RASSF3: variants seen among roughly 807,000 people sequenced by gnomAD.
The protein encoded by RASSF3 is ras association domain-containing protein 3.
Under a neutral mutation model 19.9 loss-of-function variants are expected in RASSF3, and 19 were observed. That is an observed-to-expected ratio of 0.96 (90% confidence interval 0.67 to 1.40). The LOEUF is 1.40. Among genes scored for constraint, RASSF3 ranks in the 40% most tolerant of loss-of-function variants. RASSF3 has a pLI of 0.00. For missense variants in RASSF3, 306 were observed against 289.8 expected (o/e 1.06, Z -0.41); for synonymous variants, 110 against 104.2 (o/e 1.06, Z -0.34).
intron 1 of RASSF3, among the ~76,000 whole-genome samples, chr12:64,631,726 C>T (rs1226264173): frequency 1.3e-5 from 2 of 152,072 alleles, no homozygotes; most frequent in Non-Finnish European, 2.9e-5. Flanking sequence ...CCTGCTACCA[C>T]ACCCAGTTAA....
chr12:64,617,069 A>G (rs1049447753), intron 1 of RASSF3, among the ~76,000 whole-genome samples: 1 of 152,238 alleles, frequency 6.6e-6, no homozygotes, highest in Non-Finnish European at 1.5e-5. Flanking sequence ...TGAACAAATG[A>G]AAGCCTGCTC....
Position 64,562,284 on chromosome 12 carries a change from G to A in RASSF3, c.294+20579G>A, listed in dbSNP as rs201803889. On this transcript the variant is annotated intron_variant, in intron 2 of 5. Coordinates refer to the RASSF3 transcript ENST00000637125. The stretch of plus-strand genomic sequence containing the variant: ...TCAAGCTCCTGACCTCAAGTTATCC[G>A]CCCGCCTCGGCCTCCCAAAGTGCTG... Among the ~76,000 whole-genome samples, 45 of 152,008 alleles carry A rather than the reference G, an allele frequency of 3.0e-4. No homozygotes were observed. The East Asian group carries it at 5.8e-3, about 20-fold the overall frequency.
At chr12:64,683,657 A>G (rs1873219645) in intron 1 of RASSF3, among the ~76,000 whole-genome samples, 1 of 152,240 alleles carries the variant, frequency 6.6e-6, no homozygotes, top group African/African-American at 2.4e-5. Context: ...CTTTTTGCCA[A>G]TAAATATTGT....
intron 1 of RASSF3, among the ~76,000 whole-genome samples, chr12:64,663,980 C>T (rs746401443): frequency 1.3e-5 from 2 of 151,662 alleles, no homozygotes; most frequent in African/African-American, 2.4e-5. Context: ...TATGGCAGCA[C>T]GCCAATATAT....
At chr12:64,613,841 G>T (rs369193462) in intron 1 of RASSF3, among the ~76,000 whole-genome samples, 1 of 152,000 alleles carries the variant, frequency 6.6e-6, no homozygotes, top group Non-Finnish European at 1.5e-5. Flanking sequence ...CCAGCTACTC[G>T]GGAGACTGAG....
chr12:64,671,858 G>A (rs1872712362), intron 1 of RASSF3, among the ~76,000 whole-genome samples: 1 of 152,156 alleles, frequency 6.6e-6, no homozygotes, highest in South Asian at 2.1e-4. Context: ...ATGAATACTT[G>A]TACACTTGGG....
At chr12:64,593,609 A>T (rs1459751314) in intron 2 of RASSF3, among the ~76,000 whole-genome samples, 1 of 152,216 alleles carries the variant, frequency 6.6e-6, no homozygotes, top group African/African-American at 2.4e-5. Flanking sequence ...TGTTTTAAAC[A>T]AACAGATTAT....
At chr12:64,595,010 C>T (rs1448192727) in intron 2 of RASSF3, among the ~76,000 whole-genome samples, 1 of 149,222 alleles carries the variant, frequency 6.7e-6, no homozygotes, top group African/African-American at 2.4e-5. Flanking sequence ...CACATGCACA[C>T]TACATACACA....
chr12:64,691,007 C>A (rs1215001055), intron 3 of RASSF3, among the ~76,000 whole-genome samples: 1 of 151,878 alleles, frequency 6.6e-6, no homozygotes, highest in African/African-American at 2.4e-5. Flanking sequence ...ATTACAGGTG[C>A]CCGCCACCAC....
chr12:64,676,657 G>T (rs940913120), intron 1 of RASSF3, among the ~76,000 whole-genome samples: 1 of 151,740 alleles, frequency 6.6e-6, no homozygotes, highest in African/African-American at 2.4e-5. Flanking sequence ...TTTCAATAGA[G>T]ATGGGGTTTC....
At chr12:64,596,475 T>C (rs980895931) in intron 2 of RASSF3, among the ~76,000 whole-genome samples, 1 of 152,118 alleles carries the variant, frequency 6.6e-6, no homozygotes, top group African/African-American at 2.4e-5. Context: ...ATGGCACCAG[T>C]GATGTTCAAG....
At chr12:64,544,071 C>T (rs1231546946), downstream of RASSF3, among the ~76,000 whole-genome samples, 3 of 152,172 alleles carry the variant, frequency 2.0e-5, no homozygotes, top group Non-Finnish European at 4.4e-5. Flanking sequence ...CACGCCTTGG[C>T]ACCTCGGTGG....
chr12:64,543,899 A>C (rs1021601134), downstream of RASSF3, among the ~76,000 whole-genome samples: 2 of 151,828 alleles, frequency 1.3e-5, no homozygotes, highest in Non-Finnish European at 2.9e-5. Context: ...GGACATGGAG[A>C]ACTTTTGTGT....
chr12:64,656,569 C>T (rs189385637), intron 1 of RASSF3, among the ~76,000 whole-genome samples: 115 of 152,246 alleles, frequency 7.6e-4, no homozygotes, highest in African/African-American at 2.7e-3. Flanking sequence ...AGATAAAGAA[C>T]ATCAAACACT....
At chr12:64,667,012 G>A (rs1278187697) in intron 1 of RASSF3, among the ~76,000 whole-genome samples, 1 of 152,064 alleles carries the variant, frequency 6.6e-6, no homozygotes, top group Admixed American at 6.5e-5. Context: ...AGTGTTGACC[G>A]GTGCAGGGTG....
rs1871850064 is a variant in RASSF3 at position 64,649,202 on chromosome 12, T to TC, written c.112-35584dup. ...CAGCAGCCATCTGGGTTTTTTTTTT[T>TC]CTTTTTTTGGGATGGAGTCTCGCTC... On this transcript the variant is annotated intron_variant, in intron 1 of 4. Transcript: ENST00000542104. 4.0e-5 allele frequency among the ~76,000 whole-genome samples: 6 copies of TC among 151,240 alleles called. No individual in the cohort carries two copies. The South Asian group carries it at 1.3e-3, about 32-fold the overall frequency.
rs528580305 is a variant in RASSF3 at position 64,619,722 on chromosome 12, C to T, written c.111+8979C>T. On this transcript the variant is annotated intron_variant, in intron 1 of 4. Transcript: ENST00000542104. ...GGTTGCCAGGCGTGGTGGCTCACGC[C>T]TGTAATCCCAGCACATTGGGAGGCC... 8.5e-5 allele frequency among the ~76,000 whole-genome samples: 13 copies of T among 152,158 alleles called. No homozygotes were observed. The East Asian group carries it at 2.1e-3, about 25-fold the overall frequency.
At chr12:64,533,984 C>A (rs1367792716) in intron 1 of RASSF3, among the ~76,000 whole-genome samples, 1 of 152,178 alleles carries the variant, frequency 6.6e-6, no homozygotes, top group Non-Finnish European at 1.5e-5. Flanking sequence ...CAAGGCGGGA[C>A]AATGTGGCTC....
rs190765979 is a variant in RASSF3, at chr12:64,676,134, C to T, written c.112-8653C>T. Among the ~76,000 whole-genome samples the T allele has an allele frequency of 2.5e-3, 375 of 150,958 alleles. 2 individuals carry two copies. The highest frequency in any genetic ancestry group is 8.8e-3 in the African/African-American group (362 of 41,126). ...ACAGCAGCACCAAACACCCCAGAAA[C>T]AACTGTTCTGATTCTTTCCTTCAGG... On this transcript the variant is annotated intron_variant, in intron 1 of 4. Transcript: ENST00000542104.
Sources: gnomAD v4.1 joint callset for allele counts (sites outside exome capture counted in the v4.1 genomes callset) on GRCh38, gnomAD v4.1.1 for gene constraint, MANE v1.5 for transcripts, NCBI Gene and HGNC (gene_info 2026-07-23, HGNC 2026-07-21) for gene names.